The following NKAIN2 variants were observed in gnomAD, a reference collection of about 807,000 sequenced individuals.
The protein encoded by NKAIN2 is sodium/potassium-transporting ATPase subunit beta-1-interacting protein 2.
In NKAIN2, 14 loss-of-function variants were observed where a neutral mutation model predicts 32.6. That is an observed-to-expected ratio of 0.43 (90% CI 0.28 to 0.67). The LOEUF is 0.67. NKAIN2 is among the 30% of genes least tolerant of loss of function. The pLI is 0.17. For synonymous variants in NKAIN2, 80 were observed against 87.2 expected, an observed-to-expected ratio of 0.92 and a Z score of 0.46; for missense variants, 198 against 258.3, an observed-to-expected ratio of 0.77 and a Z score of 1.60.
At chr6:124,688,438 G>C (rs1351039843) in intron 4 of NKAIN2, among the ~76,000 whole-genome samples, 3 of 151,924 alleles carry the variant, frequency 2.0e-5, no homozygotes, top group Non-Finnish European at 4.4e-5. Flanking sequence ...TCCTCCACCA[G>C]AGTGATACAT....
chr6:124,134,001 A>G (rs1312700281), intron 1 of NKAIN2, among the ~76,000 whole-genome samples: 1 of 152,120 alleles, frequency 6.6e-6, no homozygotes, highest in Admixed American at 6.5e-5. Context: ...AGATCACACT[A>G]TCTCCCCAGC....
At chr6:124,011,783 T>C (rs1324970871) in intron 1 of NKAIN2, among the ~76,000 whole-genome samples, 1 of 152,224 alleles carries the variant, frequency 6.6e-6, no homozygotes, top group Non-Finnish European at 1.5e-5. Flanking sequence ...CAAGAACTGT[T>C]GTGCCTTCCT....
intron 1 of NKAIN2, among the ~76,000 whole-genome samples, chr6:123,822,320 A>G (rs1773959459): frequency 6.6e-6 from 1 of 152,054 alleles, no homozygotes; most frequent in Non-Finnish European, 1.5e-5. Flanking sequence ...TTTATTTGCT[A>G]TTCGTCTTTA....
At chr6:124,435,576 C>T (rs332624) in intron 3 of NKAIN2, among the ~76,000 whole-genome samples, 32,682 of 152,028 alleles carry the variant, frequency 0.21, 3,677 homozygotes, top group African/African-American at 0.28. Flanking sequence ...GCACTTCCCA[C>T]AGTCTCACAG....
intron 1 of NKAIN2, among the ~76,000 whole-genome samples, chr6:123,813,936 T>G (rs1773587186): frequency 6.6e-6 from 1 of 151,996 alleles, no homozygotes; most frequent in Non-Finnish European, 1.5e-5. Flanking sequence ...TAGCCTGAGA[T>G]TTTCTCAAAT....
intron 3 of NKAIN2, among the ~76,000 whole-genome samples, chr6:124,559,194 C>T (rs1241458977): frequency 6.6e-6 from 1 of 151,996 alleles, no homozygotes; most frequent in African/African-American, 2.4e-5. Context: ...TTGAATACAG[C>T]AGTGTCAAAG....
intron 1 of NKAIN2, among the ~76,000 whole-genome samples, chr6:123,942,267 A>C (rs973522525): frequency 6.6e-6 from 1 of 152,060 alleles, no homozygotes; most frequent in Admixed American, 6.6e-5. Flanking sequence ...AGGAATAATC[A>C]AATGAATGAC....
chr6:124,121,924 C>T lies in NKAIN2; in HGVS notation c.55-161081C>T, dbSNP rs753595568. The stretch of plus-strand genomic sequence containing the variant: ...CATTAGGTTTCTCTTATTATATTGT[C>T]CCACAAATATCTTAACCGTGAGTTT... On this transcript the variant is annotated intron_variant, in intron 1 of 6. Transcript: ENST00000368417. The T allele has an allele frequency of 9.0e-6, 11 of 1,228,994 alleles. No individual in the cohort carries two copies. In the South Asian group the frequency reaches 1.3e-4, roughly 14 times the overall value. The allele number at this position is 1,228,994 out of a possible 1,614,324, so 76.1% of individuals were successfully genotyped here. A position where few individuals can be genotyped will look rare whatever the true frequency, so the allele number is the denominator to read the frequency against.
intron 4 of NKAIN2, among the ~76,000 whole-genome samples, chr6:124,688,059 G>A (rs928337200): frequency 2.6e-5 from 4 of 151,816 alleles, no homozygotes; most frequent in African/African-American, 4.8e-5. Flanking sequence ...CTACCCTGAG[G>A]ATGAGTGTCA....
chr6:124,027,747 T>C (rs553150070), intron 1 of NKAIN2, among the ~76,000 whole-genome samples: 15 of 152,266 alleles, frequency 9.9e-5, no homozygotes, highest in African/African-American at 3.4e-4. Context: ...TTTTTCTTCT[T>C]CTCTATTTCT....
intron 1 of NKAIN2, among the ~76,000 whole-genome samples, chr6:123,868,730 G>T (rs192835000): frequency 6.6e-6 from 1 of 152,244 alleles, no homozygotes; most frequent in East Asian, 1.9e-4. Context: ...TGCCCCATTG[G>T]CTTCCTCATT....
At chr6:124,404,465 C>T (rs747875204) in intron 3 of NKAIN2, among the ~76,000 whole-genome samples, 4 of 152,138 alleles carry the variant, frequency 2.6e-5, no homozygotes, top group Non-Finnish European at 5.9e-5. Flanking sequence ...AGTTTCTTTC[C>T]TTCTCCAAAT....
chr6:124,374,696 T>G (rs1192321685), intron 3 of NKAIN2, among the ~76,000 whole-genome samples: 4 of 152,144 alleles, frequency 2.6e-5, no homozygotes, highest in Non-Finnish European at 5.9e-5. Flanking sequence ...GTCCTACACA[T>G]AATTAGAAAT....
intron 4 of NKAIN2, among the ~76,000 whole-genome samples, chr6:124,736,051 G>T (rs1287004606): frequency 6.6e-6 from 1 of 151,864 alleles, no homozygotes; most frequent in Non-Finnish European, 1.5e-5. Flanking sequence ...TAAGCCTCTT[G>T]CCCTAAACAA....
intron 3 of NKAIN2, among the ~76,000 whole-genome samples, chr6:124,502,987 A>G (rs1002027029): frequency 1.6e-4 from 25 of 152,192 alleles, no homozygotes; most frequent in African/African-American, 5.3e-4. Flanking sequence ...TGAATTAGAA[A>G]AAAATCACAT....
intron 1 of NKAIN2, among the ~76,000 whole-genome samples, chr6:123,825,905 G>C (rs752109214): frequency 1.3e-5 from 2 of 152,102 alleles, no homozygotes; most frequent in Non-Finnish European, 2.9e-5. Context: ...ATCAGTCGAA[G>C]CACTTTTCTG....
chr6:124,665,594 G>C (rs1772759231), intron 4 of NKAIN2, among the ~76,000 whole-genome samples: 1 of 152,068 alleles, frequency 6.6e-6, no homozygotes, highest in South Asian at 2.1e-4. Context: ...TTTTCCTTAG[G>C]CTTGATGTAG....
intron 3 of NKAIN2, among the ~76,000 whole-genome samples, chr6:124,548,713 A>T (rs1400984547): frequency 6.6e-6 from 1 of 152,246 alleles, no homozygotes; most frequent in Non-Finnish European, 1.5e-5. Context: ...TTCTGAATTT[A>T]CAGAGAAGGA....
intron 1 of NKAIN2, among the ~76,000 whole-genome samples, chr6:124,001,970 C>T (rs1316352081): frequency 6.6e-6 from 1 of 151,804 alleles, no homozygotes; most frequent in Non-Finnish European, 1.5e-5. Flanking sequence ...TGGTATGTAA[C>T]TTATTCATTC....
Sources: gnomAD v4.1 joint callset for allele counts (sites outside exome capture counted in the v4.1 genomes callset) on GRCh38, gnomAD v4.1.1 for gene constraint, MANE v1.5 for transcripts, NCBI Gene and HGNC (gene_info 2026-07-23, HGNC 2026-07-21) for gene names.